IRF2BPL: variants seen among roughly 807,000 people sequenced by gnomAD.
IRF2BPL encodes the protein interferon regulatory factor 2 binding protein like.
A neutral mutation model predicts 51.2 loss-of-function variants in IRF2BPL; 13 were observed. The ratio of observed to expected loss-of-function variants is 0.25; its 90% confidence interval spans 0.17 to 0.40. The LOEUF is 0.40. Among genes scored for constraint, IRF2BPL ranks in the 10% least tolerant of loss-of-function variants. IRF2BPL has a pLI of 1.00. For synonymous variants in IRF2BPL, 768 were observed against 509.2 expected (o/e 1.51, Z -6.84); for missense variants, 1,210 against 1,111.8 (o/e 1.09, Z -1.26).
In IRF2BPL at chr14:77,025,961, G is replaced by T; in HGVS notation, c.1832C>A (p.Thr611Asn). The change falls in exon 1 of 1, where the codon ACC becomes AAC. Residue 611 changes from threonine (T) to asparagine (N), a missense_variant. Transcript: ENST00000238647. ...PPLGPHSNRT[T>N]PPESAPQNGP... ...GTTCTGGGGGGCTGACTCAGGTGGG[G>T]TGGTCCGGTTGGAATGGGGTCCCAG... 2 of 1,601,158 alleles carry T rather than the reference G, an allele frequency of 1.2e-6. No individual in the cohort carries two copies. The highest frequency in any genetic ancestry group is 1.1e-5 in the South Asian group (1 of 89,602).
Position 77,027,900 on chromosome 14 carries a change from G to GTCCGACT in IRF2BPL, c.-109_-108insAGTCGGA. The GTCCGACT allele has an allele frequency of 7.6e-7, 1 of 1,320,976 alleles. No homozygotes were observed. The highest frequency in any genetic ancestry group is 1.5e-5 in the African/African-American group (1 of 65,310). The allele number at this position is 1,320,976 out of a possible 1,614,324, so 81.8% of individuals were successfully genotyped here. A position where few individuals can be genotyped will look rare whatever the true frequency, so the allele number is the denominator to read the frequency against. On this transcript the variant is annotated 5_prime_UTR_variant, in exon 1 of 1. Coordinates refer to ENST00000238647, the MANE Select transcript of IRF2BPL (RefSeq NM_024496.4). ...AGGGAGTCCGACTGCGGGGGAGGGA[G>GTCCGACT]GAGGGGGGGCGAGAAAGTTCTGCCC...
rs765733346 is a variant in IRF2BPL at position 77,026,350 on chromosome 14, G to A, written c.1443C>T (p.Ala481=). Residue 481 remains alanine (A), a synonymous_variant, in exon 1 of 1, where the codon GCC becomes GCT. Transcript: ENST00000238647. ...WRLLGDLLPE[A]VRFFKEGVPG... ...GCACGCCCTCCTTGAAGAAGCGCAC[G>A]GCTTCGGGGAGCAGGTCTCCAAGCA... 5 of 1,605,136 alleles carry A rather than the reference G, an allele frequency of 3.1e-6. No homozygotes were observed. Among genetic ancestry groups the A allele is most frequent in the Non-Finnish European group, 1.7e-6 (2 of 1,176,534 alleles).
Position 77,026,632 on chromosome 14 carries a change from G to A in IRF2BPL, c.1161C>T (p.Pro387=), listed in dbSNP as rs764031037. 11 of 1,613,678 alleles carry A rather than the reference G, an allele frequency of 6.8e-6. No individual in the cohort carries two copies. Among genetic ancestry groups the A allele is most frequent in the East Asian group, 2.2e-5 (1 of 44,896 alleles). The stretch of plus-strand genomic sequence containing the variant: ...GGTCCTTCTTGAAGCGAACCTCGTA[G>A]GGCGTGCAGCCTGCCAGCGTGAGCA... ...DTLLTLAGCT[P]YEVRFKKDHS... Residue 387 remains proline (P), a synonymous_variant, in exon 1 of 1, where the codon CCC becomes CCT. Transcript: ENST00000238647.
chr14:77,026,158 C>A lies in IRF2BPL; in HGVS notation c.1635G>T (p.Lys545Asn). The A allele has an allele frequency of 6.6e-7, 1 of 1,505,624 alleles. No homozygotes were observed. Among genetic ancestry groups the A allele is most frequent in the South Asian group, 1.3e-5 (1 of 78,906 alleles). The allele number at this position is 1,505,624 out of a possible 1,614,324, so 93.3% of individuals were successfully genotyped here. ...CTGAGTCCGGGGGCTCCGGAGAGGC[C>A]TTTCTCTTGCGCAGGCTGGCGGCTG... is the stretch of plus-strand genomic sequence containing the variant. ...RGAAASLRKR[K>N]ASPEPPDSAE... Residue 545 changes from lysine to asparagine, a missense_variant, in exon 1 of 1, where the codon AAG becomes AAT. Lys to Asn is a moderately conservative substitution (Grantham distance 94). Coordinates refer to ENST00000238647, the MANE Select transcript of IRF2BPL (RefSeq NM_024496.4).
At position 77,024,883 on chromosome 14, in the gene IRF2BPL, G is replaced by C. The variant is rs1390043140; in HGVS notation, c.*519C>G. 8.4e-6 allele frequency: 1 copy of C among 119,634 alleles called. No homozygotes were observed. The highest frequency in any genetic ancestry group is 1.6e-5 in the Non-Finnish European group (1 of 61,136). The allele number at this position is 119,634 out of a possible 1,614,324, so 7.4% of individuals were successfully genotyped here. ...AGTGAAGACTTCAACACTTGGGGCA[G>C]TTTAGAAGGAAGCTTTCACCATTTT... On this transcript the variant is annotated 3_prime_UTR_variant, in exon 1 of 1. Transcript: ENST00000238647.
chr14:77,025,367 C>T lies in IRF2BPL; in HGVS notation c.*35G>A. The T allele has an allele frequency of 6.9e-7, 1 of 1,453,724 alleles. No individual in the cohort carries two copies. The highest frequency in any genetic ancestry group is 1.4e-5 in the African/African-American group (1 of 70,310). 90.1% of individuals were successfully genotyped at this position (1,453,724 alleles called of 1,614,324 possible). On this transcript the variant is annotated 3_prime_UTR_variant, in exon 1 of 1. Transcript: ENST00000238647. ...AGGGGCCCTCAGGATTGGAGAGGAGCTGGTCTAGGGCAAAGGAGGTGGCTG... is the reference window on the plus strand; with the variant it reads ...AGGGGCCCTCAGGATTGGAGAGGAGTTGGTCTAGGGCAAAGGAGGTGGCTG...
chr14:77,027,879 A>G lies in IRF2BPL; in HGVS notation c.-87T>C. The G allele has an allele frequency of 7.2e-7, 1 of 1,384,722 alleles. No individual in the cohort carries two copies. Among genetic ancestry groups the G allele is most frequent in the Non-Finnish European group, 9.4e-7 (1 of 1,061,496 alleles). 85.8% of individuals were successfully genotyped at this position (1,384,722 alleles called of 1,614,324 possible). A position where few individuals can be genotyped will look rare whatever the true frequency, so the allele number is the denominator to read the frequency against. On this transcript the variant is annotated 5_prime_UTR_variant, in exon 1 of 1. Coordinates refer to ENST00000238647, the MANE Select transcript of IRF2BPL (RefSeq NM_024496.4). ...GGGAGGACTGGCCGGCTGGGGAGGGAGTCCGACTGCGGGGGAGGGAGGAGG... is the reference window on the plus strand; with the variant it reads ...GGGAGGACTGGCCGGCTGGGGAGGGGGTCCGACTGCGGGGGAGGGAGGAGG...
At position 77,025,996 on chromosome 14, in the gene IRF2BPL, C is replaced by T; in HGVS notation, c.1797G>A (p.Pro599=). 2 of 1,570,952 alleles carry T rather than the reference C, an allele frequency of 1.3e-6. No homozygotes were observed. Among genetic ancestry groups the T allele is most frequent in the Non-Finnish European group, 1.7e-6 (2 of 1,159,384 alleles). Residue 599 remains proline (P), a synonymous_variant, in exon 1 of 1, where the codon CCG becomes CCA. Coordinates refer to ENST00000238647, the MANE Select transcript of IRF2BPL (RefSeq NM_024496.4). The part of the protein sequence containing the change: ...PGHAAGGPPP[P]PPPLGPHSNR... ...TGGAATGGGGTCCCAGAGGTGGGGG[C>T]GGCGGAGGCGGACCCCCCGCCGCGT...
In IRF2BPL at chr14:77,025,268, T is replaced by G. The variant is rs1885077047; in HGVS notation, c.*134A>C. The G allele has an allele frequency of 1.8e-6, 1 of 560,342 alleles. No individual in the cohort carries two copies. The highest frequency in any genetic ancestry group is 1.9e-5 in the African/African-American group (1 of 52,982). The allele number at this position is 560,342 out of a possible 1,614,324, so 34.7% of individuals were successfully genotyped here. ...AATAATGTCTATACATAAGACTAAC[T>G]TTTTGCAGTTTCGTTATATTCACAA... On this transcript the variant is annotated 3_prime_UTR_variant, in exon 1 of 1. Coordinates refer to ENST00000238647, the MANE Select transcript of IRF2BPL (RefSeq NM_024496.4).
In IRF2BPL at chr14:77,026,228, G is replaced by A. The variant is rs2140377530; in HGVS notation, c.1565C>T (p.Pro522Leu). 7.1e-7 allele frequency: 1 copy of A among 1,417,442 alleles called. No homozygotes were observed. Among genetic ancestry groups the A allele is most frequent in the African/African-American group, 1.5e-5 (1 of 67,004 alleles). The allele number at this position is 1,417,442 out of a possible 1,614,324, so 87.8% of individuals were successfully genotyped here. A position where few individuals can be genotyped will look rare whatever the true frequency, so the allele number is the denominator to read the frequency against. ...VSLSRAPSAP[P>L]GTGALPPAAP... ...GGCGGGCGGCAAGGCCCCGGTCCCC[G>A]GGGGTGCGCTGGGGGCGCGGCTCAG... The change falls in exon 1 of 1, where the codon CCG (proline) becomes CTG (leucine). Residue 522 changes from proline (P) to leucine (L), a missense_variant. By Grantham distance (98) the Pro-to-Leu change is moderately conservative (BLOSUM62 -3). Transcript: ENST00000238647.
chr14:77,027,402 C>A lies in IRF2BPL; in HGVS notation c.391G>T (p.Val131Phe), dbSNP rs1269651392. 1 of 1,479,482 alleles carries A rather than the reference C, an allele frequency of 6.8e-7. No individual in the cohort carries two copies. 91.6% of individuals were successfully genotyped at this position (1,479,482 alleles called of 1,614,324 possible). The change falls in exon 1 of 1, where the codon GTT (valine) becomes TTT (phenylalanine). Residue 131 changes from valine to phenylalanine, a missense_variant. Transcript: ENST00000238647. ...ACCGCAGGCTTGCTGGAACCATCAA[C>A]GTGGTTGAGCTGTTGTTGCTGCTGC... ...QQQQQQQLNHVDGSSKPAVLA... is the reference protein window; with the variant it reads ...QQQQQQQLNHFDGSSKPAVLA...
rs147785847 is a variant in IRF2BPL, at chr14:77,025,576, G to A, written c.2217C>T (p.Cys739=). Reference sequence around the variant, plus strand: ...TGATACTCTCTCTAGAGCAAGGGAAGCAAAATTTGTGGCTGGGGACGGAAG... The same window carrying A: ...TGATACTCTCTCTAGAGCAAGGGAAACAAAATTTGTGGCTGGGGACGGAAG... The part of the protein sequence containing the change: ...QCPSVPSHKF[C]FPCSRESIKA... Residue 739 remains cysteine, a synonymous_variant, in exon 1 of 1, where the codon TGC becomes TGT. Coordinates refer to ENST00000238647, the MANE Select transcript of IRF2BPL (RefSeq NM_024496.4). The A allele has an allele frequency of 9.3e-6, 15 of 1,608,298 alleles. No individual in the cohort carries two copies. In the African/African-American group the frequency reaches 1.3e-4, roughly 14 times the overall value.
Position 77,027,930 on chromosome 14 carries a change from G to A in IRF2BPL, c.-138C>T, listed in dbSNP as rs1322496005. On this transcript the variant is annotated 5_prime_UTR_variant, in exon 1 of 1. Transcript: ENST00000238647. ...GGGGGCGAGAAAGTTCTGCCCCAGG[G>A]GCTGGAGGGAACGCGAGTCTCCACC... The A allele has an allele frequency of 2.7e-6, 3 of 1,112,548 alleles. No individual in the cohort carries two copies. Among genetic ancestry groups the A allele is most frequent in the African/African-American group, 1.6e-5 (1 of 60,668 alleles). 68.9% of individuals were successfully genotyped at this position (1,112,548 alleles called of 1,614,324 possible).
rs1594799057 is a variant in IRF2BPL, at chr14:77,028,697, C to G, written c.-905G>C. ...CGGCGCTCCTGCTCCGGCTGCGGCT[C>G]GCGCTGTCCCCGGCTTGGCCGCGCG... On this transcript the variant is annotated 5_prime_UTR_variant, in exon 1 of 1. Coordinates refer to ENST00000238647, the MANE Select transcript of IRF2BPL (RefSeq NM_024496.4). 1 of 352,170 alleles carries G rather than the reference C, an allele frequency of 2.8e-6. No homozygotes were observed. Among genetic ancestry groups the G allele is most frequent in the South Asian group, 1.4e-4 (1 of 7,340 alleles). 21.8% of individuals were successfully genotyped at this position (352,170 alleles called of 1,614,324 possible). A position where few individuals can be genotyped will look rare whatever the true frequency, so the allele number is the denominator to read the frequency against.
chr14:77,028,057 G>A lies in IRF2BPL; in HGVS notation c.-265C>T, dbSNP rs1885217192. The A allele has an allele frequency of 2.6e-6, 1 of 384,980 alleles. No homozygotes were observed. Among genetic ancestry groups the A allele is most frequent in the Non-Finnish European group, 4.8e-6 (1 of 209,558 alleles). 23.8% of individuals were successfully genotyped at this position (384,980 alleles called of 1,614,324 possible). A position where few individuals can be genotyped will look rare whatever the true frequency, so the allele number is the denominator to read the frequency against. On this transcript the variant is annotated 5_prime_UTR_variant, in exon 1 of 1. Coordinates refer to ENST00000238647, the MANE Select transcript of IRF2BPL (RefSeq NM_024496.4). The stretch of plus-strand genomic sequence containing the variant: ...CCTACTGCGGTTGACTCGTCGCGAG[G>A]GGAGCTCAGGCGCCTTCTTCCTGGT...
chr14:77,028,609 C>G lies in IRF2BPL; in HGVS notation c.-817G>C, dbSNP rs1043132893. 4 of 386,670 alleles carry G rather than the reference C, an allele frequency of 1.0e-5. No individual in the cohort carries two copies. Among genetic ancestry groups the G allele is most frequent in the Non-Finnish European group, 1.8e-5 (4 of 218,264 alleles). 24.0% of individuals were successfully genotyped at this position (386,670 alleles called of 1,614,324 possible). ...GGCCCGGGTCGCATCCCTTCCCGCT[C>G]GTGCTCACGCTCGCCCGGAATGTGG... On this transcript the variant is annotated 5_prime_UTR_variant, in exon 1 of 1. Coordinates refer to ENST00000238647, the MANE Select transcript of IRF2BPL (RefSeq NM_024496.4).
chr14:77,025,602 G>A lies in IRF2BPL; in HGVS notation c.2191C>T (p.Pro731Ser), dbSNP rs146922081. ...CAAAATTTGTGGCTGGGGACGGAAG[G>A]GCACTGAACGAAATGCGTATCCTCC... The part of the protein sequence containing the change: ...RLEDTHFVQC[P>S]SVPSHKFCFP... The change falls in exon 1 of 1, where the codon CCT becomes TCT. Residue 731 changes from proline to serine, a missense_variant. Physicochemically the swap from Pro to Ser is moderately conservative, Grantham distance 74 (BLOSUM62 -1). Transcript: ENST00000238647. 3.1e-6 allele frequency: 5 copies of A among 1,600,436 alleles called. No individual in the cohort carries two copies. Among genetic ancestry groups the A allele is most frequent in the Non-Finnish European group, 4.3e-6 (5 of 1,172,412 alleles).
In IRF2BPL at chr14:77,027,043, G is replaced by A. The variant is rs1566786362; in HGVS notation, c.750C>T (p.Leu250=). The A allele has an allele frequency of 5.2e-6, 8 of 1,552,674 alleles. No homozygotes were observed. Among genetic ancestry groups the A allele is most frequent in the Non-Finnish European group, 7.0e-6 (8 of 1,150,854 alleles). The change falls in exon 1 of 1, where the codon CTC becomes CTT. Residue 250 remains leucine, a synonymous_variant. Coordinates refer to ENST00000238647, the MANE Select transcript of IRF2BPL (RefSeq NM_024496.4). The part of the protein sequence containing the change: ...PNPGGGGGPQ[L]TVPPNLLPQT... Reference sequence around the variant, plus strand: ...GCGGTAGCAGGTTGGGGGGCACGGTGAGCTGGGGGCCTCCGCCACCCCCCG... The same window carrying A: ...GCGGTAGCAGGTTGGGGGGCACGGTAAGCTGGGGGCCTCCGCCACCCCCCG...
chr14:77,028,607 C>G lies in IRF2BPL; in HGVS notation c.-815G>C. 5.2e-6 allele frequency: 2 copies of G among 386,930 alleles called. No homozygotes were observed. Among genetic ancestry groups the G allele is most frequent in the Non-Finnish European group, 9.2e-6 (2 of 218,362 alleles). 24.0% of individuals were successfully genotyped at this position (386,930 alleles called of 1,614,324 possible). On this transcript the variant is annotated 5_prime_UTR_variant, in exon 1 of 1. Coordinates refer to ENST00000238647, the MANE Select transcript of IRF2BPL (RefSeq NM_024496.4). ...TCGGCCCGGGTCGCATCCCTTCCCGCTCGTGCTCACGCTCGCCCGGAATGT... is the reference window on the plus strand; with the variant it reads ...TCGGCCCGGGTCGCATCCCTTCCCGGTCGTGCTCACGCTCGCCCGGAATGT...
Sources: gnomAD v4.1 joint callset for allele counts on GRCh38, gnomAD v4.1.1 for gene constraint, MANE v1.5 for transcripts, NCBI Gene and HGNC (gene_info 2026-07-23, HGNC 2026-07-21) for gene names.